LDLRAD3: variants seen among roughly 807,000 people sequenced by gnomAD.
The protein encoded by LDLRAD3 is low-density lipoprotein receptor class A domain-containing protein 3.
In LDLRAD3, 20 loss-of-function variants were observed where a neutral mutation model predicts 29.4. The observed-to-expected ratio is 0.68, with a 90% confidence interval of 0.48 to 0.99. The LOEUF is 0.99. Ranked by LOEUF, LDLRAD3 falls within the 50% of genes least tolerant of loss-of-function variation. LDLRAD3 has a pLI of 0.00. For missense variants in LDLRAD3, 420 were observed against 454.3 expected, an observed-to-expected ratio of 0.92 and a Z score of 0.69; for synonymous variants, 157 against 192.7, an observed-to-expected ratio of 0.81 and a Z score of 1.53.
chr11:36,193,018 G>A (rs922491151), intron 4 of LDLRAD3, among the ~76,000 whole-genome samples: 1 of 152,136 alleles, frequency 6.6e-6, no homozygotes, highest in Non-Finnish European at 1.5e-5. Flanking sequence ...TAGTGTCTAT[G>A]TTGTAACATT....
chr11:36,029,011 G>A (rs1184956709), intron 1 of LDLRAD3, among the ~76,000 whole-genome samples: 1 of 152,200 alleles, frequency 6.6e-6, no homozygotes, highest in Non-Finnish European at 1.5e-5. Context: ...TTGGGAGGCC[G>A]AGGCAGGCGG....
At chr11:36,176,106 C>A (rs1807027582) in intron 4 of LDLRAD3, among the ~76,000 whole-genome samples, 1 of 152,200 alleles carries the variant, frequency 6.6e-6, no homozygotes, top group South Asian at 2.1e-4. Flanking sequence ...TCTGTTTTGT[C>A]TATAGCTACT....
At position 35,944,391 on chromosome 11, in the gene LDLRAD3, C is replaced by G. The variant is rs146027334; in HGVS notation, c.46+247C>G. Reference sequence around the variant, plus strand: ...TTGTGCTGTGTGCGCGGGCGGGGCTCTGTGTGCAGTCCGGGTCTGGGGAGC... The same window carrying G: ...TTGTGCTGTGTGCGCGGGCGGGGCTGTGTGTGCAGTCCGGGTCTGGGGAGC... On this transcript the variant is annotated intron_variant, in intron 1 of 5. Coordinates refer to ENST00000315571, the MANE Select transcript of LDLRAD3 (RefSeq NM_174902.4). This position sits in a 1 kb window ranked among gnomAD's most constrained non-coding sequence, Gnocchi z 4.9. Among the ~76,000 whole-genome samples, 90 of 152,168 alleles carry G rather than the reference C, an allele frequency of 5.9e-4. No individual in the cohort carries two copies. In the East Asian group the frequency reaches 0.017, roughly 28 times the overall value.
intron 4 of LDLRAD3, among the ~76,000 whole-genome samples, chr11:36,179,082 G>A (rs1854719258): frequency 6.6e-6 from 1 of 152,204 alleles, no homozygotes; most frequent in Non-Finnish European, 1.5e-5. Context: ...CAACAATGAA[G>A]CAGGGAGACA....
At chr11:36,159,475 G>C (rs915364011) in intron 4 of LDLRAD3, among the ~76,000 whole-genome samples, 1 of 151,006 alleles carries the variant, frequency 6.6e-6, no homozygotes, top group Non-Finnish European at 1.5e-5. Context: ...TCTCTAAAAA[G>C]AAAAAGGAGC....
chr11:36,038,043 T>G (rs1471335384), intron 2 of LDLRAD3, among the ~76,000 whole-genome samples: 1 of 151,678 alleles, frequency 6.6e-6, no homozygotes, highest in Admixed American at 6.6e-5. Flanking sequence ...ACCACAGGAG[T>G]GCGCCGTCAC....
intron 4 of LDLRAD3, among the ~76,000 whole-genome samples, chr11:36,157,950 T>C (rs1854378483): frequency 6.6e-6 from 1 of 152,214 alleles, no homozygotes; most frequent in African/African-American, 2.4e-5. Context: ...TGTTGGTTAG[T>C]AGCTGTTAAG....
chr11:36,069,485 T>C (rs928198453), intron 2 of LDLRAD3, among the ~76,000 whole-genome samples: 3 of 152,336 alleles, frequency 2.0e-5, no homozygotes, highest in South Asian at 2.1e-4. Flanking sequence ...GTTTTCACTT[T>C]GGGGAGCTGT....
At chr11:36,074,764 G>C (rs1283608784) in intron 2 of LDLRAD3, among the ~76,000 whole-genome samples, 1 of 152,202 alleles carries the variant, frequency 6.6e-6, no homozygotes, top group Non-Finnish European at 1.5e-5. Context: ...AGGACCGTGT[G>C]TCAGAAGCTT....
At chr11:35,954,524 A>G (rs1851177378) in intron 1 of LDLRAD3, among the ~76,000 whole-genome samples, 1 of 152,240 alleles carries the variant, frequency 6.6e-6, no homozygotes, top group Non-Finnish European at 1.5e-5. Context: ...CCCTACAAGA[A>G]GGAATGAAGG....
At chr11:36,154,940 C>G (rs766834099) in intron 4 of LDLRAD3, among the ~76,000 whole-genome samples, 3 of 152,196 alleles carry the variant, frequency 2.0e-5, no homozygotes, top group African/African-American at 7.2e-5. Context: ...GCTTCTCTCT[C>G]TCCCTTCCTG....
chr11:36,171,204 T>G (rs911966321), intron 4 of LDLRAD3, among the ~76,000 whole-genome samples: 1 of 152,360 alleles, frequency 6.6e-6, no homozygotes, highest in Middle Eastern at 3.4e-3. Context: ...TAGTCCTTTG[T>G]TGAATGCATA....
intron 2 of LDLRAD3, among the ~76,000 whole-genome samples, chr11:36,065,813 A>C (rs2133238716): frequency 6.6e-6 from 1 of 152,212 alleles, no homozygotes; most frequent in Admixed American, 6.5e-5. Context: ...TTTGAGACAA[A>C]ACCTGAGTTT....
At chr11:36,022,205 C>A (rs926555004) in intron 1 of LDLRAD3, among the ~76,000 whole-genome samples, 2 of 152,202 alleles carry the variant, frequency 1.3e-5, no homozygotes, top group African/African-American at 4.8e-5. Flanking sequence ...CACTTCAGAT[C>A]ACCCTTCCTC....
intron 2 of LDLRAD3, among the ~76,000 whole-genome samples, chr11:36,070,734 G>T (rs1590241901): frequency 6.6e-6 from 1 of 152,316 alleles, no homozygotes; most frequent in South Asian, 2.1e-4. Flanking sequence ...TCAGGAATCT[G>T]CATATTCACA....
intron 4 of LDLRAD3, among the ~76,000 whole-genome samples, chr11:36,188,412 G>A (rs2133363465): frequency 7.0e-6 from 1 of 143,448 alleles, no homozygotes; most frequent in East Asian, 2.0e-4. Flanking sequence ...GTGGAAGCTG[G>A]AGAACAAATG....
rs746974845 is a variant in LDLRAD3, at chr11:36,229,240, G to A, written c.881G>A (p.Arg294His). Reference sequence around the variant, plus strand: ...AACCAAGCCGACCTGCCCCCCTACCGCTCCCGGTCCGGGAGTGCCAACAGT... The same window carrying A: ...AACCAAGCCGACCTGCCCCCCTACCACTCCCGGTCCGGGAGTGCCAACAGT... ...SLNQADLPPYRSRSGSANSAS... is the reference protein window; with the variant it reads ...SLNQADLPPYHSRSGSANSAS... The change falls in exon 6 of 6, where the codon CGC (arginine) becomes CAC (histidine). Residue 294 changes from arginine (R) to histidine (H), a missense_variant. This residue lies in a region of LDLRAD3 where 140 missense variants were observed against 139.9 expected (regional missense o/e 1.00). Transcript: ENST00000315571. 8.7e-6 allele frequency: 14 copies of A among 1,613,654 alleles called. No homozygotes were observed. Among genetic ancestry groups the A allele is most frequent in the Middle Eastern group, 1.6e-4 (1 of 6,084 alleles).
intron 1 of LDLRAD3, among the ~76,000 whole-genome samples, chr11:36,023,165 G>A (rs983613885): frequency 2.6e-5 from 4 of 152,120 alleles, no homozygotes; most frequent in African/African-American, 9.7e-5. Flanking sequence ...GAAACAGGCT[G>A]GCGTTTTTGA....
chr11:36,229,535 A>G lies in LDLRAD3; in HGVS notation c.*138A>G, dbSNP rs1855547804. 1 of 644,292 alleles carries G rather than the reference A, an allele frequency of 1.6e-6. No homozygotes were observed. The highest frequency in any genetic ancestry group is 1.8e-5 in the African/African-American group (1 of 55,650). The allele number at this position is 644,292 out of a possible 1,614,324, so 39.9% of individuals were successfully genotyped here. A position where few individuals can be genotyped will look rare whatever the true frequency, so the allele number is the denominator to read the frequency against. Reference sequence around the variant, plus strand: ...AGTTTGGGATATTAACTATCTCTGCATTCCCCTCCTCCCCCAGACTTCAGA... The same window carrying G: ...AGTTTGGGATATTAACTATCTCTGCGTTCCCCTCCTCCCCCAGACTTCAGA... On this transcript the variant is annotated 3_prime_UTR_variant, in exon 6 of 6. Transcript: ENST00000315571.
Sources: gnomAD v4.1 joint callset for allele counts (sites outside exome capture counted in the v4.1 genomes callset) on GRCh38, gnomAD v4.1.1 for gene constraint, gnomAD v4.1.1 regional missense constraint, Gnocchi (gnomAD v3.1) non-coding constraint, MANE v1.5 for transcripts, NCBI Gene and HGNC (gene_info 2026-07-23, HGNC 2026-07-21) for gene names.